Variants in MBD5 observed in about 807,000 individuals in gnomAD.
The protein encoded by MBD5 is methyl-CpG-binding domain protein 5.
A neutral mutation model predicts 117.3 loss-of-function variants in MBD5; 13 were observed. The observed-to-expected ratio is 0.11, with a 90% CI of 0.07 to 0.18. MBD5 has a LOEUF of 0.18. Among genes scored for constraint, MBD5 ranks in the 10% least tolerant of loss-of-function variants. The pLI, the probability that MBD5 is intolerant of heterozygous loss-of-function variation, is 1.00. For missense variants in MBD5, 1,879 were observed against 2,093.8 expected (o/e 0.90, Z 2.00); for synonymous variants, 727 against 766.4 (o/e 0.95, Z 0.85).
intron 1 of MBD5, among the ~76,000 whole-genome samples, chr2:148,096,892 T>C (rs775489194): frequency 2.0e-5 from 3 of 152,088 alleles, no homozygotes; most frequent in Non-Finnish European, 4.4e-5. Context: ...AAGACAAAAT[T>C]CAAACTTTCA....
intron 1 of MBD5, among the ~76,000 whole-genome samples, chr2:148,063,027 TAAAC>T (rs1486959217): frequency 6.6e-6 from 1 of 152,166 alleles, no homozygotes; most frequent in African/African-American, 2.4e-5. Context: ...CCCAGTTTGT[TAAAC>T]AGTTCACTTA....
intron 1 of MBD5, among the ~76,000 whole-genome samples, chr2:148,066,132 T>C (rs1695183484): frequency 6.6e-6 from 1 of 152,004 alleles, no homozygotes; most frequent in South Asian, 2.1e-4. Context: ...AGACTTCATG[T>C]CTCCAAAAAT....
rs1706171957 is a variant in MBD5, at chr2:148,436,931, C to T, written c.-556-21272C>T. Reference sequence around the variant, plus strand: ...TTTTATGGACTACTGATTAAAGCTTCCCTACTAATTTTTATGTTGGTATTT... The same window carrying T: ...TTTTATGGACTACTGATTAAAGCTTTCCTACTAATTTTTATGTTGGTATTT... On this transcript the variant is annotated intron_variant, in intron 4 of 13. Transcript: ENST00000642680. Among the ~76,000 whole-genome samples, 5 of 151,982 alleles carry T rather than the reference C, an allele frequency of 3.3e-5. 1 individual carries two copies. The South Asian group carries it at 1.0e-3, about 32-fold the overall frequency.
At chr2:148,091,710 A>C (rs1695948140) in intron 1 of MBD5, among the ~76,000 whole-genome samples, 1 of 152,194 alleles carries the variant, frequency 6.6e-6, no homozygotes, top group South Asian at 2.1e-4. Flanking sequence ...AAATTCTAGA[A>C]GATAACATTG....
chr2:148,159,775 C>G (rs77591217), intron 1 of MBD5, among the ~76,000 whole-genome samples: 1 of 152,148 alleles, frequency 6.6e-6, no homozygotes, highest in African/African-American at 2.4e-5. Flanking sequence ...CAGGTACTAA[C>G]CCTTTCAATC....
chr2:148,110,331 C>G (rs1012743225), intron 1 of MBD5, among the ~76,000 whole-genome samples: 1 of 152,092 alleles, frequency 6.6e-6, no homozygotes, highest in Non-Finnish European at 1.5e-5. Flanking sequence ...ATTTCTAAAA[C>G]TGTTTTGTGA....
chr2:148,154,068 G>GT lies in MBD5; in HGVS notation c.-924-24628dup, dbSNP rs1465559563. On this transcript the variant is annotated intron_variant, in intron 1 of 13. Transcript: ENST00000642680. The stretch of plus-strand genomic sequence containing the variant: ...GTTCTGTTTTTTCCCCATCTTTGTG[G>GT]TTTTATCTACTTTTGGTCTTTGATG... Among the ~76,000 whole-genome samples, 3 of 61,062 alleles carry GT rather than the reference G, an allele frequency of 4.9e-5. No homozygotes were observed. In the Admixed American group the frequency reaches 6.1e-4, roughly 12 times the overall value. 40.1% of individuals were successfully genotyped at this position (61,062 alleles called of 152,430 possible). A position where few individuals can be genotyped will look rare whatever the true frequency, so the allele number is the denominator to read the frequency against.
chr2:148,204,949 C>T (rs925972831), intron 2 of MBD5, among the ~76,000 whole-genome samples: 1 of 151,958 alleles, frequency 6.6e-6, no homozygotes, highest in Non-Finnish European at 1.5e-5. Flanking sequence ...AATGTAGACA[C>T]TATATATAAA....
intron 2 of MBD5, among the ~76,000 whole-genome samples, chr2:148,202,215 T>G (rs1338943455): frequency 6.6e-6 from 1 of 152,224 alleles, no homozygotes; most frequent in African/African-American, 2.4e-5. Context: ...TAATATAATT[T>G]CAAAATATGA....
rs1055672536 is a variant in MBD5, at chr2:148,490,213, A to G, written c.4581A>G (p.Arg1527=). The G allele has an allele frequency of 1.9e-6, 3 of 1,614,174 alleles. No homozygotes were observed. Among genetic ancestry groups the G allele is most frequent in the Non-Finnish European group, 2.5e-6 (3 of 1,180,032 alleles). Residue 1527 remains arginine (R), a synonymous_variant, in exon 11 of 14, where the codon AGA becomes AGG. Transcript: ENST00000642680. ...GATGTGCACACATAAATGGGAATAGACCTCGACAGAGTCGGGGATTTGGAG... is the reference window on the plus strand; with the variant it reads ...GATGTGCACACATAAATGGGAATAGGCCTCGACAGAGTCGGGGATTTGGAG... ...VERCAHINGN[R]PRQSRGFGEL...
chr2:148,347,380 A>G (rs1703148340), intron 4 of MBD5: 1 of 152,044 alleles, frequency 6.6e-6, no homozygotes, highest in Admixed American at 6.6e-5. Context: ...GTCTTTAAAA[A>G]AGAAAATCAG....
chr2:148,324,905 C>T (rs1702400786), intron 3 of MBD5, among the ~76,000 whole-genome samples: 1 of 152,154 alleles, frequency 6.6e-6, no homozygotes, highest in Admixed American at 6.5e-5. Context: ...GAATCCCTGT[C>T]TTGTGCCTGT....
chr2:148,511,711 G>A (rs537679793), intron 13 of MBD5, among the ~76,000 whole-genome samples: 21 of 152,240 alleles, frequency 1.4e-4, no homozygotes, highest in African/African-American at 5.1e-4. Context: ...TCTTTCCTCA[G>A]TTATAAAAAG....
chr2:148,357,833 A>G (rs908769892), intron 4 of MBD5, among the ~76,000 whole-genome samples: 1 of 152,022 alleles, frequency 6.6e-6, no homozygotes, highest in African/African-American at 2.4e-5. Context: ...AGTCTTTCGT[A>G]TTCTCTGTGG....
chr2:148,293,235 G>T (rs1054564935), intron 3 of MBD5, among the ~76,000 whole-genome samples: 1 of 152,042 alleles, frequency 6.6e-6, no homozygotes, highest in Non-Finnish European at 1.5e-5. Flanking sequence ...GTTGCCAGAG[G>T]CTGGGAAGGG....
chr2:148,492,352 C>T (rs1681554759), intron 11 of MBD5, among the ~76,000 whole-genome samples: 1 of 151,926 alleles, frequency 6.6e-6, no homozygotes, highest in Non-Finnish European at 1.5e-5. Flanking sequence ...ATATATTCCT[C>T]CTCTCACTGG....
chr2:148,029,545 T>C (rs1186964297), intron 1 of MBD5, among the ~76,000 whole-genome samples: 1 of 152,226 alleles, frequency 6.6e-6, no homozygotes, highest in Non-Finnish European at 1.5e-5. Context: ...AGGCTGCTGT[T>C]CTTATTGTTT....
chr2:148,400,362 G>A (rs1238069713), intron 4 of MBD5, among the ~76,000 whole-genome samples: 1 of 152,106 alleles, frequency 6.6e-6, no homozygotes, highest in African/African-American at 2.4e-5. Flanking sequence ...TCTATTACCA[G>A]TGCTTATTAA....
intron 2 of MBD5, among the ~76,000 whole-genome samples, chr2:148,225,457 A>T (rs1235712352): frequency 3.9e-5 from 6 of 151,944 alleles, no homozygotes; most frequent in African/African-American, 1.5e-4. Flanking sequence ...TTGGTTAATT[A>T]TTTCATTTTT....
Sources: allele counts gnomAD v4.1 joint callset (sites outside exome capture counted in the v4.1 genomes callset), GRCh38; gene constraint gnomAD v4.1.1; transcripts MANE v1.5; gene names NCBI Gene and HGNC (gene_info 2026-07-23, HGNC 2026-07-21).